The following SMG1 variants were observed in gnomAD, a reference collection of about 807,000 sequenced individuals.
SMG1 encodes SMG1 nonsense mediated mRNA decay associated PI3K related kinase, also known as serine/threonine-protein kinase SMG1.
A neutral mutation model predicts 419.9 loss-of-function variants in SMG1; 22 were observed. The ratio of observed to expected loss-of-function variants is 0.05; its 90% CI spans 0.04 to 0.07. The LOEUF (loss-of-function observed/expected upper bound fraction) is 0.07, where lower values mean the gene tolerates loss of function less well. SMG1 is among the 10% of genes least tolerant of loss of function. The probability of loss-of-function intolerance (pLI) is 1.00; values close to 1 mark genes in which losing one functional copy is unlikely to be tolerated. For missense variants in SMG1, 3,185 were observed against 4,342.0 expected (o/e 0.73, Z 7.49); for synonymous variants, 1,538 against 1,553.5 (o/e 0.99, Z 0.23).
At chr16:18,812,633 T>TATATATACAC (rs1555483954) in intron 60 of SMG1, among the ~76,000 whole-genome samples, 8 of 132,894 alleles carry the variant, frequency 6.0e-5, no homozygotes, top group Non-Finnish European at 1.0e-4. Flanking sequence ...TATATACACA[T>TATATATACAC]ATATATACAC....
chr16:18,848,957 G>T (rs1305320331), intron 36 of SMG1, among the ~76,000 whole-genome samples: 1 of 151,370 alleles, frequency 6.6e-6, no homozygotes, highest in Admixed American at 6.6e-5. Flanking sequence ...TGTAATCCCA[G>T]CTACTCGGGA....
Position 18,851,392 on chromosome 16 carries a change from T to TAC in SMG1, c.5052+673_5052+674dup, listed in dbSNP as rs71374432. Among the ~76,000 whole-genome samples the TAC allele has an allele frequency of 1.0e-3, 154 of 150,088 alleles. No homozygotes were observed. The South Asian group carries it at 0.014, about 14-fold the overall frequency. ...ATTAGCATCACCTAGTAAGTTTAAA[T>TAC]ACACACACACACACACGCGCACGCG... On this transcript the variant is annotated intron_variant, in intron 33 of 62. Coordinates refer to ENST00000446231, the MANE Select transcript of SMG1 (RefSeq NM_015092.5).
intron 1 of SMG1, among the ~76,000 whole-genome samples, chr16:18,913,492 T>TA (rs201026213): frequency 8.3e-4 from 119 of 143,338 alleles, no homozygotes; most frequent in African/African-American, 1.2e-3. Flanking sequence ...AGAGCTTCAG[T>TA]AAAAAAAAAA....
In SMG1 at chr16:18,837,291, A is replaced by G. The variant is rs776930542; in HGVS notation, c.7566T>C (p.Ala2522=). 6.2e-7 allele frequency: 1 copy of G among 1,614,030 alleles called. No individual in the cohort carries two copies. Residue 2522 remains alanine, a synonymous_variant, in exon 46 of 63, where the codon GCT becomes GCC. Transcript: ENST00000446231. The stretch of plus-strand genomic sequence containing the variant: ...TATGAGAAGGATGATCCACCCCTTC[A>G]GCTCCTTCTAGAAACTCTATTTCCT... ...LLEEIEFLEG[A]EGVDHPSHTL...
chr16:18,887,237 C>T (rs1334658033), intron 6 of SMG1, among the ~76,000 whole-genome samples: 1 of 152,090 alleles, frequency 6.6e-6, no homozygotes, highest in Non-Finnish European at 1.5e-5. Context: ...GGAAAATGTT[C>T]ATAATTGTGC....
At chr16:18,916,387 C>A (rs1443721638) in intron 1 of SMG1, among the ~76,000 whole-genome samples, 1 of 151,066 alleles carries the variant, frequency 6.6e-6, no homozygotes, top group Non-Finnish European at 1.5e-5. Flanking sequence ...AGGTGGCGGG[C>A]GCCTGTAGTC....
chr16:18,887,520 T>TTTTTTTTG (rs2036668201), intron 6 of SMG1, among the ~76,000 whole-genome samples: 1 of 42,634 alleles, frequency 2.3e-5, no homozygotes, highest in Non-Finnish European at 6.5e-5. Flanking sequence ...TTTTTCCTTT[T>TTTTTTTTG]TTTTTTTTTT....
Position 18,924,022 on chromosome 16 carries a change from T to C in SMG1, c.92+1928A>G, listed in dbSNP as rs368786315. Among the ~76,000 whole-genome samples the C allele has an allele frequency of 6.6e-5, 10 of 152,294 alleles. No individual in the cohort carries two copies. In the East Asian group the frequency reaches 1.2e-3, roughly 18 times the overall value. On this transcript the variant is annotated intron_variant, in intron 1 of 62. Coordinates refer to ENST00000446231, the MANE Select transcript of SMG1 (RefSeq NM_015092.5). The stretch of plus-strand genomic sequence containing the variant: ...CTCTACAACAGGAGAAAATCAAATC[T>C]TTCCAACATCCTAACAAACTGTTAC...
intron 57 of SMG1, among the ~76,000 whole-genome samples, chr16:18,817,080 C>T (rs2032066510): frequency 8.1e-6 from 1 of 122,808 alleles, no homozygotes; most frequent in Non-Finnish European, 1.6e-5. Context: ...TACACTTCCT[C>T]ATTTTTTATA....
At chr16:18,873,870 C>A (rs2035959925) in intron 13 of SMG1, among the ~76,000 whole-genome samples, 1 of 152,196 alleles carries the variant, frequency 6.6e-6, no homozygotes, top group Non-Finnish European at 1.5e-5. Context: ...CCATCCCCAC[C>A]CACTTTCTCC....
At chr16:18,888,937 C>G (rs2036759484) in intron 6 of SMG1, among the ~76,000 whole-genome samples, 1 of 151,462 alleles carries the variant, frequency 6.6e-6, no homozygotes, top group South Asian at 2.1e-4. Context: ...ATTCTCCTGC[C>G]TCAGTCTCCC....
chr16:18,926,087 C>G lies in SMG1; in HGVS notation c.-46G>C. On this transcript the variant is annotated 5_prime_UTR_variant, in exon 1 of 63. Transcript: ENST00000446231. ...GGCCAAGCGCCGCCGCCCAAAGAAGCGCGAGTCGCCGCCCGAACCGGCCGC... is the reference window on the plus strand; with the variant it reads ...GGCCAAGCGCCGCCGCCCAAAGAAGGGCGAGTCGCCGCCCGAACCGGCCGC... 1 of 1,502,444 alleles carries G rather than the reference C, an allele frequency of 6.7e-7. No individual in the cohort carries two copies. Among genetic ancestry groups the G allele is most frequent in the Non-Finnish European group, 8.8e-7 (1 of 1,130,742 alleles). 93.1% of individuals were successfully genotyped at this position (1,502,444 alleles called of 1,614,324 possible).
intron 55 of SMG1, among the ~76,000 whole-genome samples, chr16:18,827,134 T>G (rs770320256): frequency 6.6e-6 from 1 of 151,902 alleles, no homozygotes; most frequent in Non-Finnish European, 1.5e-5. Context: ...GGGTAAGAAA[T>G]AAAAAATATA....
At chr16:18,848,318 C>CTTTT (rs34583374) in intron 36 of SMG1, among the ~76,000 whole-genome samples, 1 of 142,208 alleles carries the variant, frequency 7.0e-6, no homozygotes, top group African/African-American at 2.6e-5. Context: ...TGGTATAATC[C>CTTTT]TTTTTTTTTT....
intron 1 of SMG1, among the ~76,000 whole-genome samples, chr16:18,905,582 C>T (rs2037526907): frequency 6.6e-6 from 1 of 151,708 alleles, no homozygotes; most frequent in Non-Finnish European, 1.5e-5. Flanking sequence ...TCTACTTTAT[C>T]CCAATCCAAG....
chr16:18,806,973 G>A lies in SMG1; in HGVS notation c.*2596C>T, dbSNP rs1393410749. ...AGGGCCTTGTCCAGAGTGCAGTAAG[G>A]AGCAGGCTTTTGAAGTCATCTATTA... On this transcript the variant is annotated 3_prime_UTR_variant, in exon 63 of 63. Coordinates refer to ENST00000446231, the MANE Select transcript of SMG1 (RefSeq NM_015092.5). The A allele has an allele frequency of 6.6e-6, 1 of 152,230 alleles. No homozygotes were observed. The highest frequency in any genetic ancestry group is 6.5e-5 in the Admixed American group (1 of 15,280). The allele number at this position is 152,230 out of a possible 1,614,324, so 9.4% of individuals were successfully genotyped here.
At position 18,926,034 on chromosome 16, in the gene SMG1, C is replaced by A. The variant is rs1193705676; in HGVS notation, c.8G>T (p.Arg3Leu). 3 of 1,570,662 alleles carry A rather than the reference C, an allele frequency of 1.9e-6. No homozygotes were observed. Among genetic ancestry groups the A allele is most frequent in the Admixed American group, 1.8e-5 (1 of 56,880 alleles). MS[R>L]RAPGSRLSSG... ...GCTCAGCCGAGACCCCGGGGCTCTG[C>A]GGCTCATTACCTTCCCCGACACGAC... The change falls in exon 1 of 63, where the codon CGC (arginine) becomes CTC (leucine). Residue 3 changes from arginine to leucine, a missense_variant. Arg to Leu is a moderately radical substitution (Grantham distance 102). Transcript: ENST00000446231.
At chr16:18,839,190 T>G (rs1194891607) in intron 42 of SMG1, among the ~76,000 whole-genome samples, 1 of 152,124 alleles carries the variant, frequency 6.6e-6, no homozygotes, top group African/African-American at 2.4e-5. Context: ...TTAAAAAAAT[T>G]TTTTTCCTTC....
At chr16:18,878,724 G>C (rs1247224870) in intron 11 of SMG1, 2 of 151,972 alleles carry the variant, frequency 1.3e-5, no homozygotes, top group Admixed American at 1.3e-4. Flanking sequence ...AGTAAAAATA[G>C]AGGCCTGGTA....
Sources: allele counts gnomAD v4.1 joint callset (sites outside exome capture counted in the v4.1 genomes callset), GRCh38; gene constraint gnomAD v4.1.1; transcripts MANE v1.5; gene names NCBI Gene and HGNC (gene_info 2026-07-23, HGNC 2026-07-21).